The following USF2 variants were observed in gnomAD, a reference collection of about 807,000 sequenced individuals.
USF2 encodes the protein upstream stimulatory factor 2.
USF2 carries 16 observed loss-of-function variants against 46.9 expected under a neutral mutation model. The observed-to-expected ratio is 0.34, with a 90% CI of 0.23 to 0.52. The LOEUF (loss-of-function observed/expected upper bound fraction) is 0.52. Ranked by LOEUF, USF2 falls within the 20% of genes least tolerant of loss-of-function variation. The pLI is 0.96. For missense variants in USF2, 411 were observed against 474.0 expected (o/e 0.87, Z 1.23); for synonymous variants, 239 against 194.1 (o/e 1.23, Z -1.92).
rs28365133 is a variant in USF2, at chr19:35,270,616, A to G, written c.580+19A>G. 0.2 allele frequency: 320,670 copies of G among 1,611,756 alleles called. 34,003 individuals carry two copies. Among genetic ancestry groups the G allele is most frequent in the Middle Eastern group, 0.23 (1,372 of 6,054 alleles). On this transcript the variant is annotated intron_variant, in intron 5 of 9. Transcript: ENST00000222305. ...GCTGGAGGTGAGGAGTAGAAGTCAG[A>G]TTGGCAGGTGGGGGAGGCAACGGGC...
chr19:35,278,042 T>C (rs2066259018), intron 7 of USF2: 1 of 152,254 alleles, frequency 6.6e-6, no homozygotes, highest in African/African-American at 2.4e-5. Flanking sequence ...GCCTTCAACA[T>C]AGGATTTGGG....
At chr19:35,272,279 C>T (rs956896812) in intron 7 of USF2, among the ~76,000 whole-genome samples, 2 of 152,096 alleles carry the variant, frequency 1.3e-5, no homozygotes, top group African/African-American at 2.4e-5. Flanking sequence ...CCGCATCAGG[C>T]AGTGCAGGCA....
Position 35,269,141 on chromosome 19 carries a change from G to A in USF2, c.40G>A (p.Ala14Thr), listed in dbSNP as rs1443891651. The change falls in exon 1 of 10, where the codon GCC becomes ACC. Residue 14 changes from alanine to threonine, a missense_variant. By Grantham distance (58) the Ala-to-Thr change is moderately conservative. Transcript: ENST00000222305. The part of the protein sequence containing the change: ...LDPGLDPAAS[A>T]TAAAAASHDK... Reference sequence around the variant, plus strand: ...CCCGGGTCTGGATCCCGCTGCCTCGGCCACCGCTGCTGCCGCCGCCAGGTA... The same window carrying A: ...CCCGGGTCTGGATCCCGCTGCCTCGACCACCGCTGCTGCCGCCGCCAGGTA... The A allele has an allele frequency of 2.0e-6, 2 of 978,062 alleles. No homozygotes were observed. Among genetic ancestry groups the A allele is most frequent in the Non-Finnish European group, 2.5e-6 (2 of 812,814 alleles). The allele number at this position is 978,062 out of a possible 1,614,324, so 60.6% of individuals were successfully genotyped here.
chr19:35,269,170 T>TCCCCGGCCCGGCCGTGCCCCCGCG lies in USF2; in HGVS notation c.62+17_62+40dup, dbSNP rs1404505525. On this transcript the variant is annotated splice_region_variant and intron_variant, in intron 1 of 9. Coordinates refer to ENST00000222305, the MANE Select transcript of USF2 (RefSeq NM_003367.4). The stretch of plus-strand genomic sequence containing the variant: ...CCGCTGCTGCCGCCGCCAGGTAAGA[T>TCCCCGGCCCGGCCGTGCCCCCGCG]CCCCGGCCCGGCCGTGCCCCCGCGC... 8 of 988,290 alleles carry TCCCCGGCCCGGCCGTGCCCCCGCG rather than the reference T, an allele frequency of 8.1e-6. No homozygotes were observed. Among genetic ancestry groups the TCCCCGGCCCGGCCGTGCCCCCGCG allele is most frequent in the Non-Finnish European group, 9.5e-6 (8 of 839,860 alleles). The allele number at this position is 988,290 out of a possible 1,614,324, so 61.2% of individuals were successfully genotyped here. A position where few individuals can be genotyped will look rare whatever the true frequency, so the allele number is the denominator to read the frequency against.
chr19:35,270,540 G>T lies in USF2; in HGVS notation c.523G>T (p.Val175Leu). 6.2e-7 allele frequency: 1 copy of T among 1,614,202 alleles called. No homozygotes were observed. Among genetic ancestry groups the T allele is most frequent in the South Asian group, 1.1e-5 (1 of 91,084 alleles). ...ARFAYFPASSVGDTTAVSVQT... is the reference protein window; with the variant it reads ...ARFAYFPASSLGDTTAVSVQT... ...ATTTGCCTATTTCCCAGCGTCCAGTGTGGGAGATACTACGGCTGTGTCCGT... is the reference window on the plus strand; with the variant it reads ...ATTTGCCTATTTCCCAGCGTCCAGTTTGGGAGATACTACGGCTGTGTCCGT... Residue 175 changes from valine (V) to leucine (L), a missense_variant, in exon 5 of 10, where the codon GTG (valine) becomes TTG (leucine). Val to Leu is a conservative substitution (Grantham distance 32). Transcript: ENST00000222305.
intron 4 of USF2, 109 bp downstream of exon 4, chr19:35,270,112 G>C: frequency 8.2e-7 from 1 of 1,218,654 alleles, no homozygotes; most frequent in Non-Finnish European, 1.1e-6. Context: ...AGCGGATGCT[G>C]CCTTCAGGCC....
chr19:35,278,895 A>C (rs2066271477), intron 8 of USF2, 51 bp from the exon 9 acceptor site: 2 of 1,584,476 alleles, frequency 1.3e-6, no homozygotes, highest in Middle Eastern at 1.7e-4. Flanking sequence ...CCTGGGGTGG[A>C]GGCCGGTGGG....
chr19:35,272,973 C>T (rs914398472), intron 7 of USF2, among the ~76,000 whole-genome samples: 5 of 151,588 alleles, frequency 3.3e-5, no homozygotes, highest in Admixed American at 6.6e-5. Context: ...GAAGCACAGC[C>T]GCCCCGGGCA....
At chr19:35,274,303 G>T (rs372884152) in intron 7 of USF2, among the ~76,000 whole-genome samples, 2 of 152,172 alleles carry the variant, frequency 1.3e-5, no homozygotes, top group Non-Finnish European at 2.9e-5. Flanking sequence ...GACCAGAGCC[G>T]CTTTCAACTC....
chr19:35,276,069 C>CTTTTTTTTT lies in USF2; in HGVS notation c.728-2617_728-2609dup, dbSNP rs752967792. Among the ~76,000 whole-genome samples the CTTTTTTTTT allele has an allele frequency of 6.2e-5, 7 of 112,042 alleles. 1 individual carries two copies. The highest frequency in any genetic ancestry group is 1.2e-4 in the Non-Finnish European group (7 of 57,430). 73.5% of individuals were successfully genotyped at this position (112,042 alleles called of 152,430 possible). A position where few individuals can be genotyped will look rare whatever the true frequency, so the allele number is the denominator to read the frequency against. On this transcript the variant is annotated intron_variant, in intron 7 of 9. Transcript: ENST00000222305. Reference sequence around the variant, plus strand: ...GGCAGGTTTCGCTTCTGAATTTTCTCTTTTTTTTTTTTTTTTTTTTGAGAC... The same window carrying CTTTTTTTTT: ...GGCAGGTTTCGCTTCTGAATTTTCTCTTTTTTTTTTTTTTTTTTTTTTTTTTTTTGAGAC...
intron 7 of USF2, among the ~76,000 whole-genome samples, chr19:35,276,442 G>C (rs1454626286): frequency 6.6e-6 from 1 of 152,132 alleles, no homozygotes; most frequent in Non-Finnish European, 1.5e-5. Context: ...GGGTCTTCCT[G>C]TATTTCAAAT....
chr19:35,272,019 G>A (rs915395517), intron 7 of USF2, among the ~76,000 whole-genome samples: 5 of 152,146 alleles, frequency 3.3e-5, no homozygotes, highest in African/African-American at 7.2e-5. Flanking sequence ...AGGGAAGATC[G>A]GGAAGGCCTC....
Position 35,279,447 on chromosome 19 carries a change from A to C in USF2, c.*191A>C. ...GCCCACCGCCCTCCTCCACTTGGAAACGGTATCCTCCCTGCCCATCCGTCT... is the reference window on the plus strand; with the variant it reads ...GCCCACCGCCCTCCTCCACTTGGAACCGGTATCCTCCCTGCCCATCCGTCT... On this transcript the variant is annotated 3_prime_UTR_variant, in exon 10 of 10. Coordinates refer to ENST00000222305, the MANE Select transcript of USF2 (RefSeq NM_003367.4). The C allele has an allele frequency of 1.6e-6, 1 of 610,114 alleles. No homozygotes were observed. The highest frequency in any genetic ancestry group is 2.6e-6 in the Non-Finnish European group (1 of 378,426). The allele number at this position is 610,114 out of a possible 1,614,324, so 37.8% of individuals were successfully genotyped here. A position where few individuals can be genotyped will look rare whatever the true frequency, so the allele number is the denominator to read the frequency against.
chr19:35,273,760 T>A (rs985519478), intron 7 of USF2, among the ~76,000 whole-genome samples: 5 of 152,184 alleles, frequency 3.3e-5, no homozygotes, highest in South Asian at 2.1e-4. Context: ...CTTGCTATGC[T>A]GCCCAGGCTC....
At chr19:35,269,409 G>A (rs1234731235) in intron 1 of USF2, 37 bp from the exon 2 acceptor site, 2 of 1,362,500 alleles carry the variant, frequency 1.5e-6, no homozygotes, top group Non-Finnish European at 1.9e-6. Context: ...GCGGGCGCGG[G>A]CCGCGCTGAC....
At position 35,269,695 on chromosome 19, in the gene USF2, G is replaced by A. The variant is rs761542150; in HGVS notation, c.224G>A (p.Gly75Glu). The change falls in exon 3 of 10, where the codon GGA (glycine) becomes GAA (glutamate). Residue 75 changes from glycine (G) to glutamate (E), a missense_variant. By Grantham distance (98) the Gly-to-Glu change is moderately conservative. This residue lies in a region of USF2 where 318 missense variants were observed against 322.4 expected (regional missense o/e 0.99). Coordinates refer to ENST00000222305, the MANE Select transcript of USF2 (RefSeq NM_003367.4). ...CAGTTCCGCACAGAGACAAATGGAGGACAGGTGAGCGGCGGGCCGCGAGGG... is the reference window on the plus strand; with the variant it reads ...CAGTTCCGCACAGAGACAAATGGAGAACAGGTGAGCGGCGGGCCGCGAGGG... Reference protein sequence around the residue: ...QYQFRTETNGGQVTYRVVQVT... With the variant: ...QYQFRTETNGEQVTYRVVQVT... 9 of 1,527,312 alleles carry A rather than the reference G, an allele frequency of 5.9e-6. No homozygotes were observed. In the East Asian group the frequency reaches 8.0e-5, roughly 14 times the overall value. 94.6% of individuals were successfully genotyped at this position (1,527,312 alleles called of 1,614,324 possible).
intron 7 of USF2, among the ~76,000 whole-genome samples, chr19:35,276,326 G>C (rs925715840): frequency 1.3e-5 from 2 of 152,240 alleles, no homozygotes; most frequent in Middle Eastern, 3.4e-3. Context: ...CCCTCCCAAA[G>C]TGCTGGGATT....
chr19:35,271,179 C>T, intron 7 of USF2, 38 bp downstream of exon 7: 1 of 1,612,762 alleles, frequency 6.2e-7, no homozygotes, highest in Admixed American at 1.7e-5. Flanking sequence ...CCCTGACCAC[C>T]ACCCTCACAG....
At chr19:35,271,809 G>A (rs890670908) in intron 7 of USF2, among the ~76,000 whole-genome samples, 2 of 152,266 alleles carry the variant, frequency 1.3e-5, no homozygotes, top group African/African-American at 4.8e-5. Flanking sequence ...AGCGGCACAG[G>A]CCCTGTGCCA....
Sources: gnomAD v4.1 joint callset for allele counts (sites outside exome capture counted in the v4.1 genomes callset) on GRCh38, gnomAD v4.1.1 for gene constraint, gnomAD v4.1.1 regional missense constraint, MANE v1.5 for transcripts, NCBI Gene and HGNC (gene_info 2026-07-23, HGNC 2026-07-21) for gene names.